Variants in MYO3A observed in about 807,000 individuals in gnomAD.
MYO3A encodes myosin-IIIa.
In MYO3A, 180 loss-of-function variants were observed where a neutral mutation model predicts 192.7. The observed-to-expected ratio is 0.93, with a 90% CI of 0.83 to 1.06. MYO3A has a LOEUF of 1.06. Among genes scored for constraint, MYO3A ranks in the 50% least tolerant of loss-of-function variants. The pLI, the probability that MYO3A is intolerant of heterozygous loss-of-function variation, is 0.00. For synonymous variants in MYO3A, 628 were observed against 645.3 expected (o/e 0.97, Z 0.41); for missense variants, 1,896 against 1,905.0 (o/e 1.00, Z 0.09).
intron 17 of MYO3A, 64 bp downstream of exon 17, chr10:26,096,746 G>T (rs1837066999): frequency 8.7e-7 from 1 of 1,145,152 alleles, no homozygotes; most frequent in Non-Finnish European, 1.3e-6. Flanking sequence ...AATGTTAAGA[G>T]CATTTATTGA....
chr10:26,036,249 A>T (rs1299825963), intron 10 of MYO3A, among the ~76,000 whole-genome samples: 1 of 151,732 alleles, frequency 6.6e-6, no homozygotes, highest in Non-Finnish European at 1.5e-5. Context: ...CCCTAAGACT[A>T]TTTTTTTAAT....
At chr10:26,118,384 T>C (rs1464465648) in intron 17 of MYO3A, among the ~76,000 whole-genome samples, 1 of 151,504 alleles carries the variant, frequency 6.6e-6, no homozygotes, top group Non-Finnish European at 1.5e-5. Context: ...GCATATGTAT[T>C]GTTACACTTC....
intron 4 of MYO3A, among the ~76,000 whole-genome samples, chr10:25,994,635 C>T (rs563585356): frequency 4.9e-4 from 75 of 152,306 alleles, no homozygotes; most frequent in African/African-American, 1.8e-3. Context: ...CATGTTTTTG[C>T]AGTGGCTGGT....
intron 29 of MYO3A, among the ~76,000 whole-genome samples, chr10:26,171,664 T>C (rs1322407145): frequency 1.3e-5 from 2 of 152,212 alleles, no homozygotes; most frequent in Non-Finnish European, 2.9e-5. Context: ...TTTGTTTCTC[T>C]TTGTTACTGG....
At chr10:26,138,579 G>T (rs187932819) in intron 20 of MYO3A, among the ~76,000 whole-genome samples, 22 of 152,094 alleles carry the variant, frequency 1.4e-4, no homozygotes, top group African/African-American at 4.1e-4. Flanking sequence ...CCAAGCTTGG[G>T]GCTTACATTT....
intron 31 of MYO3A, among the ~76,000 whole-genome samples, chr10:26,179,426 A>G (rs960886492): frequency 6.6e-6 from 1 of 152,118 alleles, no homozygotes; most frequent in Non-Finnish European, 1.5e-5. Flanking sequence ...ATGTATGCAT[A>G]GTTCACATAT....
intron 10 of MYO3A, among the ~76,000 whole-genome samples, chr10:26,048,732 A>G (rs927457708): frequency 5.3e-5 from 8 of 152,224 alleles, no homozygotes; most frequent in Non-Finnish European, 1.0e-4. Flanking sequence ...TTGATATGCC[A>G]TTTAAATATC....
intron 17 of MYO3A, 37 bp from the exon 18 acceptor site, chr10:26,120,639 G>T (rs1410889470): frequency 6.2e-7 from 1 of 1,613,150 alleles, no homozygotes; most frequent in Non-Finnish European, 8.5e-7. Flanking sequence ...TGTACTCAAG[G>T]AAAGAATGAT....
At chr10:26,136,951 G>C (rs1375000085) in intron 20 of MYO3A, among the ~76,000 whole-genome samples, 1 of 152,050 alleles carries the variant, frequency 6.6e-6, no homozygotes, top group Admixed American at 6.5e-5. Flanking sequence ...CCAGGAGGCA[G>C]AGTTTGCAGT....
At chr10:26,116,193 A>G (rs1838492420) in intron 17 of MYO3A, among the ~76,000 whole-genome samples, 3 of 152,196 alleles carry the variant, frequency 2.0e-5, no homozygotes. Context: ...CAGGAGGCTC[A>G]AAGTCTGAGA....
intron 4 of MYO3A, among the ~76,000 whole-genome samples, chr10:25,984,733 A>G (rs2130816429): frequency 6.6e-6 from 1 of 152,342 alleles, no homozygotes; most frequent in East Asian, 1.9e-4. Context: ...AAAATTGGAA[A>G]TGAACTCCAA....
At chr10:26,067,158 G>A (rs1309007932) in intron 11 of MYO3A, 84 bp downstream of exon 11, 31 of 869,308 alleles carry the variant, frequency 3.6e-5, no homozygotes, top group Non-Finnish European at 2.5e-5. Context: ...AGAAGGGGAA[G>A]GAATATATAG....
At chr10:25,988,451 G>A (rs926870503) in intron 4 of MYO3A, among the ~76,000 whole-genome samples, 1 of 152,066 alleles carries the variant, frequency 6.6e-6, no homozygotes, top group Non-Finnish European at 1.5e-5. Flanking sequence ...TGAAGATATG[G>A]AACAACTAGA....
At chr10:26,056,686 C>T (rs1021497640) in intron 10 of MYO3A, among the ~76,000 whole-genome samples, 3 of 152,074 alleles carry the variant, frequency 2.0e-5, no homozygotes, top group African/African-American at 7.2e-5. Context: ...TGTTCAAGTT[C>T]CAAATGCCCA....
chr10:26,156,477 T>C (rs989290762), intron 25 of MYO3A, among the ~76,000 whole-genome samples: 1 of 152,228 alleles, frequency 6.6e-6, no homozygotes. Flanking sequence ...GCTACTGTTT[T>C]AATAAGGTAT....
intron 17 of MYO3A, among the ~76,000 whole-genome samples, chr10:26,117,525 G>A (rs1838586502): frequency 6.6e-6 from 1 of 152,084 alleles, no homozygotes; most frequent in Non-Finnish European, 1.5e-5. Context: ...CCCAGTGTGT[G>A]TTGTTCTCCT....
At chr10:26,109,367 A>T (rs1316547637) in intron 17 of MYO3A, among the ~76,000 whole-genome samples, 2 of 152,212 alleles carry the variant, frequency 1.3e-5, no homozygotes, top group African/African-American at 4.8e-5. Context: ...TAAACAGAAA[A>T]TTCTAGAAAT....
chr10:25,957,566 T>C (rs920801814), intron 4 of MYO3A, among the ~76,000 whole-genome samples: 1 of 152,208 alleles, frequency 6.6e-6, no homozygotes, highest in African/African-American at 2.4e-5. Flanking sequence ...GTCTGTGTCT[T>C]TGTGGTAGAA....
At chr10:26,020,886 GT>G (rs1328737976) in intron 7 of MYO3A, among the ~76,000 whole-genome samples, 1 of 152,150 alleles carries the variant, frequency 6.6e-6, no homozygotes, top group Admixed American at 6.5e-5. Flanking sequence ...ACTGGTTGCA[GT>G]TTTACAATTT....
Sources: gnomAD v4.1 joint callset for allele counts (sites outside exome capture counted in the v4.1 genomes callset) on GRCh38, gnomAD v4.1.1 for gene constraint, MANE v1.5 for transcripts, NCBI Gene and HGNC (gene_info 2026-07-23, HGNC 2026-07-21) for gene names.